ZNF536: variants seen among roughly 807,000 people sequenced by gnomAD.
ZNF536 encodes the protein zinc finger protein 536.
ZNF536 carries 13 observed loss-of-function variants against 84.5 expected under a neutral mutation model. The ratio of observed to expected loss-of-function variants is 0.15; its 90% CI spans 0.10 to 0.24. The LOEUF (loss-of-function observed/expected upper bound fraction) is 0.24. Among genes scored for constraint, ZNF536 ranks in the 10% least tolerant of loss-of-function variants. The pLI, the probability that ZNF536 is intolerant of heterozygous loss-of-function variation, is 1.00. For synonymous variants in ZNF536, 811 were observed against 742.5 expected (o/e 1.09, Z -1.50); for missense variants, 1,536 against 1,747.5 (o/e 0.88, Z 2.16).
chr19:30,293,643 C>T (rs1446902259), intron 2 of ZNF536, among the ~76,000 whole-genome samples: 1 of 152,218 alleles, frequency 6.6e-6, no homozygotes, highest in Non-Finnish European at 1.5e-5. Context: ...GAGCTGGACT[C>T]TTACCCTTAG....
intron 1 of ZNF536, among the ~76,000 whole-genome samples, chr19:30,263,441 C>A (rs1047391122): frequency 6.6e-6 from 1 of 152,108 alleles, no homozygotes; most frequent in Non-Finnish European, 1.5e-5. Context: ...CGACCAGCTC[C>A]TTTTATTAAC....
chr19:30,414,536 C>G (rs967639894), intron 1 of ZNF536, among the ~76,000 whole-genome samples: 2 of 151,986 alleles, frequency 1.3e-5, no homozygotes, highest in Admixed American at 1.3e-4. Context: ...AATGAGAATG[C>G]TTAATTTCTG....
chr19:30,588,193 G>A (rs1245633948), intron 1 of ZNF536, among the ~76,000 whole-genome samples: 1 of 152,196 alleles, frequency 6.6e-6, no homozygotes, highest in East Asian at 1.9e-4. Context: ...GGTGGTCTGG[G>A]GTCATTTTGG....
intron 2 of ZNF536, among the ~76,000 whole-genome samples, chr19:30,509,379 T>C (rs2055315275): frequency 6.9e-6 from 1 of 145,156 alleles, no homozygotes; most frequent in Non-Finnish European, 1.5e-5. Context: ...ATATATGATA[T>C]ATATTATATC....
intron 1 of ZNF536, among the ~76,000 whole-genome samples, chr19:30,415,831 C>T (rs1432559096): frequency 1.3e-5 from 2 of 152,114 alleles, no homozygotes; most frequent in South Asian, 2.1e-4. Flanking sequence ...AGGTTGGTCT[C>T]GATCTCCTGA....
downstream of ZNF536, among the ~76,000 whole-genome samples, chr19:30,558,454 T>C (rs1465232886): frequency 6.6e-6 from 1 of 152,190 alleles, no homozygotes; most frequent in Non-Finnish European, 1.5e-5. Flanking sequence ...CCATCCCAGA[T>C]GTGGAAACGC....
rs1394144060 is a variant in ZNF536 at position 30,502,784 on chromosome 19, T to A, written c.2171-32063T>A. On this transcript the variant is annotated intron_variant, in intron 2 of 4. Coordinates refer to ENST00000355537, the MANE Select transcript of ZNF536 (RefSeq NM_014717.3). The stretch of plus-strand genomic sequence containing the variant: ...AAGGGAGTAGGGGACACCAGTGAGA[T>A]GTCCCTGAGCCACGGGAAAGAGCTT... 2.0e-5 allele frequency among the ~76,000 whole-genome samples: 3 copies of A among 152,142 alleles called. No individual in the cohort carries two copies. The East Asian group carries it at 5.8e-4, about 29-fold the overall frequency.
At chr19:30,693,023 GGA>G (rs10547153) in intron 1 of ZNF536, among the ~76,000 whole-genome samples, 9,650 of 147,692 alleles carry the variant, frequency 0.065, 312 homozygotes, top group East Asian at 0.13. Context: ...AACCTGGGGG[GGA>G]GAGAGAGAGA....
At chr19:30,681,305 T>C (rs898101673) in intron 1 of ZNF536, among the ~76,000 whole-genome samples, 6 of 152,140 alleles carry the variant, frequency 3.9e-5, no homozygotes, top group African/African-American at 1.4e-4. Context: ...GCCAGGCCTG[T>C]GCAAGGTGCT....
intron 4 of ZNF536, among the ~76,000 whole-genome samples, chr19:30,553,112 T>C (rs2045842983): frequency 6.6e-6 from 1 of 152,228 alleles, no homozygotes; most frequent in African/African-American, 2.4e-5. Context: ...ATCGGAGAAT[T>C]TGGATATGCC....
At chr19:30,357,691 G>A (rs1455709419) in intron 3 of ZNF536, among the ~76,000 whole-genome samples, 1 of 152,078 alleles carries the variant, frequency 6.6e-6, no homozygotes, top group Non-Finnish European at 1.5e-5. Context: ...AGCAGGGCCC[G>A]GTAGCTCCTC....
chr19:30,508,564 A>G (rs2145470621), intron 2 of ZNF536, among the ~76,000 whole-genome samples: 1 of 152,228 alleles, frequency 6.6e-6, no homozygotes, highest in South Asian at 2.1e-4. Context: ...GCCCACAGAG[A>G]AGGCTGGAAG....
chr19:30,711,022 C>T (rs906255505), exon 2 of ZNF536: 4 of 152,106 alleles, frequency 2.6e-5, no homozygotes, highest in Admixed American at 2.0e-4. Flanking sequence ...CTGTATATTG[C>T]AATAGTATTT....
At chr19:30,692,675 C>G (rs765366967) in intron 1 of ZNF536, among the ~76,000 whole-genome samples, 1 of 152,158 alleles carries the variant, frequency 6.6e-6, no homozygotes, top group Non-Finnish European at 1.5e-5. Flanking sequence ...GCAGCTGTTG[C>G]AACTGCTGGC....
intron 1 of ZNF536, among the ~76,000 whole-genome samples, chr19:30,427,164 G>A (rs1462507374): frequency 2.0e-5 from 3 of 152,212 alleles, no homozygotes; most frequent in African/African-American, 4.8e-5. Flanking sequence ...CAGACCAAGT[G>A]TCAAGGAGCT....
intron 1 of ZNF536, among the ~76,000 whole-genome samples, chr19:30,683,137 C>G (rs1300805869): frequency 6.6e-6 from 1 of 152,230 alleles, no homozygotes; most frequent in African/African-American, 2.4e-5. Flanking sequence ...TCCGGCTGCC[C>G]TCTAGGTGGC....
chr19:30,334,175 G>C (rs1251190002), intron 2 of ZNF536, among the ~76,000 whole-genome samples: 1 of 152,196 alleles, frequency 6.6e-6, no homozygotes, highest in African/African-American at 2.4e-5. Context: ...ATGAGTGCTT[G>C]GGGTTCTAGA....
intron 1 of ZNF536, among the ~76,000 whole-genome samples, chr19:30,266,156 C>T (rs1178693648): frequency 1.3e-5 from 2 of 152,202 alleles, no homozygotes; most frequent in Admixed American, 6.5e-5. Flanking sequence ...TCAAGCAATC[C>T]TCCCATCTCA....
At chr19:30,506,134 A>G (rs1243380767) in intron 2 of ZNF536, among the ~76,000 whole-genome samples, 5 of 152,054 alleles carry the variant, frequency 3.3e-5, no homozygotes, top group South Asian at 2.1e-4. Context: ...GAAAATGAAT[A>G]TGGAATTATG....
Sources: gnomAD v4.1 joint callset for allele counts (sites outside exome capture counted in the v4.1 genomes callset) on GRCh38, gnomAD v4.1.1 for gene constraint, MANE v1.5 for transcripts, NCBI Gene and HGNC (gene_info 2026-07-23, HGNC 2026-07-21) for gene names.